The following NCALD variants were observed in gnomAD, a reference collection of about 807,000 sequenced individuals.
NCALD encodes neurocalcin delta, also known as neurocalcin-delta.
In NCALD, 10 loss-of-function variants were observed where a neutral mutation model predicts 18.6. The observed-to-expected ratio is 0.54, with a 90% CI of 0.33 to 0.91. The LOEUF (loss-of-function observed/expected upper bound fraction) is 0.91, where lower values mean the gene tolerates loss of function less well. Ranked by LOEUF, NCALD falls within the 40% of genes least tolerant of loss-of-function variation. The probability of loss-of-function intolerance (pLI) is 0.03; values close to 1 mark genes in which losing one functional copy is unlikely to be tolerated. For missense variants in NCALD, 184 were observed against 247.6 expected (o/e 0.74, Z 1.72); for synonymous variants, 88 against 87.4 (o/e 1.01, Z -0.04).
intron 2 of NCALD, among the ~76,000 whole-genome samples, chr8:101,701,470 ACT>A (rs1815263812): frequency 6.6e-6 from 1 of 152,074 alleles, no homozygotes. Context: ...CCCAGCCCTG[ACT>A]CTGCCCCAGC....
At chr8:101,964,125 C>T (rs900466890) in intron 2 of NCALD, among the ~76,000 whole-genome samples, 11 of 152,108 alleles carry the variant, frequency 7.2e-5, no homozygotes, top group Admixed American at 1.3e-4. Context: ...TTGATCATGG[C>T]TCTCTTCTAA....
chr8:102,042,807 TG>T (rs1414074057), intron 1 of NCALD, among the ~76,000 whole-genome samples: 6 of 70,662 alleles, frequency 8.5e-5, no homozygotes, highest in African/African-American at 2.3e-4. Context: ...CAGAGGGGGT[TG>T]GGGGATGTTA....
intron 1 of NCALD, among the ~76,000 whole-genome samples, chr8:102,041,587 T>C (rs6984801): frequency 0.39 from 58,835 of 152,120 alleles, 11,729 homozygotes; most frequent in African/African-American, 0.43. Flanking sequence ...TCACTTGTAA[T>C]GACCAAAGGC....
At chr8:101,913,782 A>T (rs1478943373) in intron 3 of NCALD, among the ~76,000 whole-genome samples, 2 of 152,112 alleles carry the variant, frequency 1.3e-5, no homozygotes, top group Non-Finnish European at 2.9e-5. Flanking sequence ...GGGCTTCTCC[A>T]TGTTGGCCAG....
intron 4 of NCALD, among the ~76,000 whole-genome samples, chr8:101,798,413 T>G (rs1408327963): frequency 1.3e-5 from 2 of 152,178 alleles, no homozygotes; most frequent in South Asian, 4.1e-4. Context: ...CATTTACAAC[T>G]GCTCAAACCC....
At chr8:101,763,966 C>CTCTCTCTCTCCACACACA (rs1491550100) in intron 1 of NCALD, among the ~76,000 whole-genome samples, 11 of 85,298 alleles carry the variant, frequency 1.3e-4, no homozygotes, top group Middle Eastern at 6.3e-3. Flanking sequence ...CTCTCTCTCT[C>CTCTCTCTCTCCACACACA]CACACACACA....
intron 2 of NCALD, among the ~76,000 whole-genome samples, chr8:101,709,363 C>T (rs897845139): frequency 6.6e-6 from 1 of 152,194 alleles, no homozygotes; most frequent in African/African-American, 2.4e-5. Context: ...CCTTTGGTTC[C>T]TTCTTTATCT....
At chr8:101,969,482 G>A (rs1820156949) in intron 2 of NCALD, among the ~76,000 whole-genome samples, 2 of 152,096 alleles carry the variant, frequency 1.3e-5, no homozygotes, top group Non-Finnish European at 1.5e-5. Flanking sequence ...TATTTCATTT[G>A]ACTAGAAGAA....
At chr8:101,929,696 GGAGGGAGGGGGATGA>G (rs1818502230) in intron 2 of NCALD, among the ~76,000 whole-genome samples, 1 of 149,532 alleles carries the variant, frequency 6.7e-6, no homozygotes, top group African/African-American at 2.5e-5. Flanking sequence ...AAGGAGGCAG[GGAGGGAGGGGGATGA>G]GAGGGCAGAT....
chr8:101,726,935 T>C (rs924845603), intron 1 of NCALD, among the ~76,000 whole-genome samples: 2 of 152,166 alleles, frequency 1.3e-5, no homozygotes, highest in African/African-American at 4.8e-5. Context: ...GCATTTAGGC[T>C]CTGGGAGATG....
At chr8:101,891,559 C>T (rs569740497) in intron 3 of NCALD, among the ~76,000 whole-genome samples, 9 of 152,206 alleles carry the variant, frequency 5.9e-5, no homozygotes, top group Admixed American at 1.3e-4. Flanking sequence ...CCAGCGTGAG[C>T]GACGCAGAAG....
chr8:102,004,782 G>A (rs1728119206), intron 2 of NCALD, among the ~76,000 whole-genome samples: 2 of 152,070 alleles, frequency 1.3e-5, no homozygotes, highest in African/African-American at 2.4e-5. Flanking sequence ...AATGGGGAAA[G>A]GATTCCCTAT....
intron 4 of NCALD, among the ~76,000 whole-genome samples, chr8:101,847,735 C>T (rs187548806): frequency 1.3e-5 from 2 of 152,292 alleles, no homozygotes; most frequent in Admixed American, 6.5e-5. Context: ...GAAAGAGACA[C>T]AGCTCCTGGG....
intron 2 of NCALD, among the ~76,000 whole-genome samples, chr8:101,952,064 G>C (rs1044908551): frequency 3.3e-5 from 5 of 152,194 alleles, no homozygotes; most frequent in Admixed American, 2.0e-4. Flanking sequence ...CTAGGGCAGT[G>C]TTAGACCCAA....
At chr8:102,065,241 G>C (rs1488490198) in intron 1 of NCALD, among the ~76,000 whole-genome samples, 1 of 149,672 alleles carries the variant, frequency 6.7e-6, no homozygotes. Flanking sequence ...GTCCTGATGT[G>C]AATCAGTGAA....
intron 1 of NCALD, among the ~76,000 whole-genome samples, chr8:102,057,275 C>T (rs1461901945): frequency 6.6e-6 from 1 of 151,718 alleles, no homozygotes; most frequent in Non-Finnish European, 1.5e-5. Flanking sequence ...CACACACACA[C>T]ACACACACAC....
At chr8:101,917,718 A>C (rs1486589887) in intron 2 of NCALD, among the ~76,000 whole-genome samples, 1 of 152,168 alleles carries the variant, frequency 6.6e-6, no homozygotes, top group Non-Finnish European at 1.5e-5. Flanking sequence ...TAACTAGAAA[A>C]TTTAGAGAAA....
chr8:102,123,775 G>C (rs1437235025), intron 1 of NCALD: 1 of 152,188 alleles, frequency 6.6e-6, no homozygotes, highest in African/African-American at 2.4e-5. Context: ...TGGCCTTTCC[G>C]GGCAGACTCC....
chr8:101,847,800 G>T (rs920104092), intron 4 of NCALD, among the ~76,000 whole-genome samples: 1 of 152,166 alleles, frequency 6.6e-6, no homozygotes, highest in Non-Finnish European at 1.5e-5. Context: ...CACCTCCCAG[G>T]TGTCCTGAGG....
Sources: gnomAD v4.1 joint callset for allele counts (sites outside exome capture counted in the v4.1 genomes callset) on GRCh38, gnomAD v4.1.1 for gene constraint, MANE v1.5 for transcripts, NCBI Gene and HGNC (gene_info 2026-07-23, HGNC 2026-07-21) for gene names.